TIGAR: variants seen among roughly 807,000 people sequenced by gnomAD.
TIGAR encodes fructose-2,6-bisphosphatase TIGAR.
In TIGAR, 7 loss-of-function variants were observed where a neutral mutation model predicts 17.9. The observed-to-expected ratio is 0.39, with a 90% confidence interval of 0.22 to 0.73. The LOEUF is 0.73. TIGAR is among the 30% of genes least tolerant of loss of function. The pLI, the probability that TIGAR is intolerant of heterozygous loss-of-function variation, is 0.42. For missense variants in TIGAR, 258 were observed against 327.4 expected (o/e 0.79, Z 1.64); for synonymous variants, 94 against 108.6 (o/e 0.87, Z 0.84).
Position 4,337,019 on chromosome 12 carries a change from CTCT to C in TIGAR, c.71-15_71-13del, listed in dbSNP as rs1195751528. 3.8e-6 allele frequency: 6 copies of C among 1,577,706 alleles called. No homozygotes were observed. The highest frequency in any genetic ancestry group is 5.2e-6 in the Non-Finnish European group (6 of 1,152,654). On this transcript the variant is annotated splice_polypyrimidine_tract_variant and intron_variant, in intron 2 of 5. Coordinates refer to ENST00000179259, the MANE Select transcript of TIGAR (RefSeq NM_020375.3). ...TATGTAGTTTTGAATGTTATTGTTCCTCTTCTTAATATATCACAGGACAAGGAG... is the reference window on the plus strand; with the variant it reads ...TATGTAGTTTTGAATGTTATTGTTCCTCTTAATATATCACAGGACAAGGAG...
chr12:4,358,021 G>A lies in TIGAR; in HGVS notation c.*5330G>A, dbSNP rs944092617. On this transcript the variant is annotated 3_prime_UTR_variant, in exon 6 of 6. Transcript: ENST00000179259. ...TGGGAGGCTGAGGCAGTAGAATGGC[G>A]TGAACCCGGGAGGTGGAGCTTGCAG... Among the ~76,000 whole-genome samples the A allele has an allele frequency of 4.0e-5, 6 of 151,304 alleles. No homozygotes were observed. The highest frequency in any genetic ancestry group is 3.9e-4 in the East Asian group (2 of 5,146).
chr12:4,337,676 A>T (rs1864675090), intron 3 of TIGAR, among the ~76,000 whole-genome samples: 1 of 152,240 alleles, frequency 6.6e-6, no homozygotes, highest in Non-Finnish European at 1.5e-5. Flanking sequence ...CAGCAAGAAT[A>T]TAAATAAGCT....
chr12:4,346,412 A>G (rs1337389084), intron 3 of TIGAR, among the ~76,000 whole-genome samples: 3 of 152,358 alleles, frequency 2.0e-5, no homozygotes, highest in African/African-American at 2.4e-5. Flanking sequence ...ACACCATGGA[A>G]TACTATGCAG....
Position 4,321,442 on chromosome 12 carries a change from C to T in TIGAR, c.32+139C>T, listed in dbSNP as rs1864476330. On this transcript the variant is annotated intron_variant, in intron 1 of 5. Transcript: ENST00000179259. The surrounding 1 kb of genome is among the most constrained non-coding windows in gnomAD (Gnocchi z 5.2). Reference sequence around the variant, plus strand: ...GAGGGCTGGCTTGGAAGCGCTTTTTCCGGGGCGCTTGCCCTGGGGCCGTCC... The same window carrying T: ...GAGGGCTGGCTTGGAAGCGCTTTTTTCGGGGCGCTTGCCCTGGGGCCGTCC... 9 of 1,277,614 alleles carry T rather than the reference C, an allele frequency of 7.0e-6. No individual in the cohort carries two copies. Among genetic ancestry groups the T allele is most frequent in the Admixed American group, 2.1e-5 (1 of 46,752 alleles). 79.1% of individuals were successfully genotyped at this position (1,277,614 alleles called of 1,614,324 possible).
intron 3 of TIGAR, among the ~76,000 whole-genome samples, chr12:4,339,337 C>G (rs1833277748): frequency 6.6e-6 from 1 of 152,090 alleles, no homozygotes; most frequent in Non-Finnish European, 1.5e-5. Context: ...TGCAACCTAC[C>G]AAGATTGAAC....
intron 3 of TIGAR, among the ~76,000 whole-genome samples, chr12:4,343,447 A>G (rs1198017457): frequency 6.6e-6 from 1 of 152,204 alleles, no homozygotes; most frequent in African/African-American, 2.4e-5. Flanking sequence ...TCAGCACCAC[A>G]CTGCACTTAT....
At chr12:4,346,632 CA>C (rs1392372068) in intron 3 of TIGAR, among the ~76,000 whole-genome samples, 4 of 152,024 alleles carry the variant, frequency 2.6e-5, no homozygotes, top group Non-Finnish European at 5.9e-5. Flanking sequence ...GGAGGGATAG[CA>C]TTAGTAGATA....
chr12:4,358,943 A>G lies in TIGAR; in HGVS notation c.*6252A>G, dbSNP rs1864944171. ...AGTTCTTGTGGTTTTTTTTCCTGAC[A>G]TATCCTCATTATTAGATTTGGATTG... is the stretch of plus-strand genomic sequence containing the variant. On this transcript the variant is annotated 3_prime_UTR_variant, in exon 6 of 6. Transcript: ENST00000179259. Among the ~76,000 whole-genome samples, 3 of 151,948 alleles carry G rather than the reference A, an allele frequency of 2.0e-5. No homozygotes were observed. In the South Asian group the frequency reaches 6.2e-4, roughly 32 times the overall value.
chr12:4,351,634 G>A (rs532759191), intron 5 of TIGAR, among the ~76,000 whole-genome samples: 1 of 152,282 alleles, frequency 6.6e-6, no homozygotes, highest in East Asian at 1.9e-4. Context: ...ATGAAGCAGT[G>A]GCTTAGTGGT....
At chr12:4,350,671 G>T (rs904207343) in intron 4 of TIGAR, among the ~76,000 whole-genome samples, 1 of 151,984 alleles carries the variant, frequency 6.6e-6, no homozygotes, top group South Asian at 2.1e-4. Flanking sequence ...CAGCTACTCG[G>T]GAGGCTGAGG....
rs1864893553 is a variant in TIGAR at position 4,355,760 on chromosome 12, G to A, written c.*3069G>A. ...CTCACATTGTGGTCAGTGCTGTTGA[G>A]CAAAATAGGTCAGAGTAAGGGGGAT... On this transcript the variant is annotated 3_prime_UTR_variant, in exon 6 of 6. Transcript: ENST00000179259. 6.6e-6 allele frequency among the ~76,000 whole-genome samples: 1 copy of A among 152,212 alleles called. No individual in the cohort carries two copies. Among genetic ancestry groups the A allele is most frequent in the Non-Finnish European group, 1.5e-5 (1 of 68,044 alleles).
chr12:4,326,108 A>G (rs1026063057), intron 1 of TIGAR, among the ~76,000 whole-genome samples: 16 of 152,250 alleles, frequency 1.1e-4, no homozygotes, highest in African/African-American at 3.6e-4. Flanking sequence ...TGTAGGGCCT[A>G]TAAATGGCTG....
At position 4,357,090 on chromosome 12, in the gene TIGAR, ATAAAG is replaced by A. The variant is rs1864912570; in HGVS notation, c.*4403_*4407del. Among the ~76,000 whole-genome samples, 1 of 152,266 alleles carries A rather than the reference ATAAAG, an allele frequency of 6.6e-6. No individual in the cohort carries two copies. The highest frequency in any genetic ancestry group is 6.5e-5 in the Admixed American group (1 of 15,288). ...GACATGCTCATATTAGGGGAAGCAC[ATAAAG>A]TAAGATATCCCTGAGAGAACAGTGC... On this transcript the variant is annotated 3_prime_UTR_variant, in exon 6 of 6. Transcript: ENST00000179259.
In TIGAR at chr12:4,337,100, A is replaced by G. The variant is rs1185829658; in HGVS notation, c.132A>G (p.Ile44Met). ...TGFKQAAAAG[I>M]FLNNVKFTHA... ...TTAAACAAGCAGCAGCTGCTGGTAT[A>G]TTTCTGAATAATGTGAAGTTTACTC... is the stretch of plus-strand genomic sequence containing the variant. The change falls in exon 3 of 6, where the codon ATA (isoleucine) becomes ATG (methionine). Residue 44 changes from isoleucine to methionine, a missense_variant. Transcript: ENST00000179259. 1 of 1,613,686 alleles carries G rather than the reference A, an allele frequency of 6.2e-7. No homozygotes were observed. Among genetic ancestry groups the G allele is most frequent in the Admixed American group, 1.7e-5 (1 of 60,020 alleles).
At chr12:4,334,232 C>T (rs1214774666) in intron 2 of TIGAR, among the ~76,000 whole-genome samples, 1 of 152,186 alleles carries the variant, frequency 6.6e-6, no homozygotes, top group Non-Finnish European at 1.5e-5. Flanking sequence ...ACTGTGAATT[C>T]CAAGATCAGG....
chr12:4,322,244 A>G (rs915956662), intron 1 of TIGAR, among the ~76,000 whole-genome samples: 11 of 152,024 alleles, frequency 7.2e-5, no homozygotes, highest in African/African-American at 2.7e-4. Context: ...TGATCCGACT[A>G]CCTCGGCCTC....
intron 1 of TIGAR, among the ~76,000 whole-genome samples, chr12:4,330,111 T>G (rs1451436606): frequency 1.3e-5 from 2 of 152,136 alleles, no homozygotes; most frequent in Admixed American, 6.5e-5. Context: ...GCGGCAAGAT[T>G]CCAGGATGAG....
chr12:4,323,530 G>A (rs571496608), intron 1 of TIGAR, among the ~76,000 whole-genome samples: 2 of 152,180 alleles, frequency 1.3e-5, no homozygotes, highest in Non-Finnish European at 1.5e-5. Flanking sequence ...GTTAAGGACT[G>A]ATATCCTCAT....
At position 4,359,182 on chromosome 12, in the gene TIGAR, A is replaced by G. The variant is rs541986583; in HGVS notation, c.*6491A>G. ...TGTTTATTAGTTGGCATTCTGTACTAAGACAGCTTTACCCTTCTTGCCTAC... is the reference window on the plus strand; with the variant it reads ...TGTTTATTAGTTGGCATTCTGTACTGAGACAGCTTTACCCTTCTTGCCTAC... On this transcript the variant is annotated 3_prime_UTR_variant, in exon 6 of 6. Coordinates refer to ENST00000179259, the MANE Select transcript of TIGAR (RefSeq NM_020375.3). Among the ~76,000 whole-genome samples the G allele has an allele frequency of 1.3e-4, 20 of 151,604 alleles. 1 individual carries two copies. The East Asian group carries it at 3.5e-3, about 26-fold the overall frequency.
Sources: allele counts gnomAD v4.1 joint callset (sites outside exome capture counted in the v4.1 genomes callset), GRCh38; gene constraint gnomAD v4.1.1; non-coding constraint Gnocchi (gnomAD v3.1); transcripts MANE v1.5; gene names NCBI Gene and HGNC (gene_info 2026-07-23, HGNC 2026-07-21).